The following ADCY7 variants were observed in gnomAD, a reference collection of about 807,000 sequenced individuals.
The protein encoded by ADCY7 is adenylate cyclase type 7.
In ADCY7, 72 loss-of-function variants were observed where a neutral mutation model predicts 120.6. The observed-to-expected ratio is 0.60, with a 90% confidence interval of 0.49 to 0.73. The LOEUF (loss-of-function observed/expected upper bound fraction) is 0.73, where lower values mean the gene tolerates loss of function less well. ADCY7 is among the 30% of genes least tolerant of loss of function. The probability of loss-of-function intolerance (pLI) is 0.00; values close to 1 mark genes in which losing one functional copy is unlikely to be tolerated. For synonymous variants in ADCY7, 661 were observed against 628.0 expected, an observed-to-expected ratio of 1.05 and a Z score of -0.78; for missense variants, 1,227 against 1,486.0, an observed-to-expected ratio of 0.83 and a Z score of 2.87.
At position 50,298,986 on chromosome 16, in the gene ADCY7, C is replaced by T. The variant is rs1225921431; in HGVS notation, c.1031C>T (p.Ala344Val). Reference sequence around the variant, plus strand: ...CTGCCCGTGTCGCTGCCTACCCACGCCCGGAACTGCGTGAAGATGGGGCTG... The same window carrying T: ...CTGCCCGTGTCGCTGCCTACCCACGTCCGGAACTGCGTGAAGATGGGGCTG... ...SGLPVSLPTH[A>V]RNCVKMGLDM... is the part of the protein sequence containing the mutation. The change falls in exon 8 of 26, where the codon GCC (alanine) becomes GTC (valine). Residue 344 changes from alanine to valine, a missense_variant. Ala to Val is a moderately conservative substitution (Grantham distance 64). Coordinates refer to ENST00000673801, the MANE Select transcript of ADCY7 (RefSeq NM_001114.5). 4 of 1,613,224 alleles carry T rather than the reference C, an allele frequency of 2.5e-6. No homozygotes were observed. Among genetic ancestry groups the T allele is most frequent in the African/African-American group, 2.7e-5 (2 of 74,954 alleles).
In ADCY7 at chr16:50,312,132, C is replaced by T. The variant is rs370441901; in HGVS notation, c.2545C>T (p.Leu849=). ...CATGGAGAACGTGAACCGCCTTCTTCTGGAGAACGTCCTGCCAGCCCACGT... is the reference window on the plus strand; with the variant it reads ...CATGGAGAACGTGAACCGCCTTCTTTTGGAGAACGTCCTGCCAGCCCACGT... ...ETMENVNRLL[L]ENVLPAHVAA... is the part of the protein sequence containing the mutation. Residue 849 remains leucine, a synonymous_variant, in exon 21 of 26, where the codon CTG becomes TTG. Transcript: ENST00000673801. 32 of 1,614,112 alleles carry T rather than the reference C, an allele frequency of 2.0e-5. No homozygotes were observed. Among genetic ancestry groups the T allele is most frequent in the Middle Eastern group, 3.3e-4 (2 of 6,084 alleles).
intron 1 of ADCY7, among the ~76,000 whole-genome samples, chr16:50,255,446 T>G (rs1208931154): frequency 1.5e-5 from 2 of 131,208 alleles, no homozygotes; most frequent in Non-Finnish European, 3.2e-5. Flanking sequence ...TGGAACAGGA[T>G]AGAGAGCTCA....
intron 1 of ADCY7, among the ~76,000 whole-genome samples, chr16:50,274,636 T>C (rs1468540422): frequency 6.6e-6 from 1 of 152,132 alleles, no homozygotes; most frequent in Non-Finnish European, 1.5e-5. Context: ...GCTGGTGTCA[T>C]GGAGGCCAAA....
upstream of ADCY7, among the ~76,000 whole-genome samples, chr16:50,266,103 T>C (rs1274702967): frequency 6.6e-6 from 1 of 152,060 alleles, no homozygotes; most frequent in Non-Finnish European, 1.5e-5. Context: ...TGACCTCTCC[T>C]GGGCCCCTCT....
chr16:50,287,941 A>C lies in ADCY7; in HGVS notation c.-239A>C, dbSNP rs954946771. Reference sequence around the variant, plus strand: ...GAGGAACTGCGTGTGGAGTCAGCCCAGTCTGGATGCACAGGAGGATGCTGG... The same window carrying C: ...GAGGAACTGCGTGTGGAGTCAGCCCCGTCTGGATGCACAGGAGGATGCTGG... On this transcript the variant is annotated 5_prime_UTR_variant, in exon 2 of 26. Transcript: ENST00000673801. 6.5e-6 allele frequency: 3 copies of C among 463,248 alleles called. No homozygotes were observed. In the South Asian group the frequency reaches 1.2e-4, roughly 18 times the overall value. 28.7% of individuals were successfully genotyped at this position (463,248 alleles called of 1,614,324 possible).
At chr16:50,279,478 G>C (rs1364613066) in intron 1 of ADCY7, 4 of 152,128 alleles carry the variant, frequency 2.6e-5, no homozygotes, top group African/African-American at 9.7e-5. Context: ...GCAAGAGTGA[G>C]GAAAAAGTAG....
At chr16:50,245,008 G>A (rs1036556508), upstream of ADCY7, among the ~76,000 whole-genome samples, 1 of 152,162 alleles carries the variant, frequency 6.6e-6, no homozygotes, top group Non-Finnish European at 1.5e-5. Flanking sequence ...TTCCAGCCTC[G>A]GCCATCTGAT....
chr16:50,294,245 G>A (rs2150982643), intron 6 of ADCY7, among the ~76,000 whole-genome samples: 1 of 152,336 alleles, frequency 6.6e-6, no homozygotes, highest in East Asian at 1.9e-4. Context: ...AAAGTGCTGG[G>A]TGTGGAGGTT....
intron 19 of ADCY7, 91 bp downstream of exon 19, chr16:50,310,971 G>A (rs1260808678): frequency 7.6e-7 from 1 of 1,322,486 alleles, no homozygotes; most frequent in Non-Finnish European, 1.0e-6. Context: ...TGTGTTCATG[G>A]GGAGTGGGCA....
At chr16:50,300,631 G>T (rs761426660) in intron 8 of ADCY7, 84 bp from the exon 9 acceptor site, 1 of 1,496,062 alleles carries the variant, frequency 6.7e-7, no homozygotes, top group African/African-American at 1.4e-5. Context: ...CCCACATGCT[G>T]CCCTGTACCC....
chr16:50,269,370 G>A (rs1203543635), intron 1 of ADCY7, among the ~76,000 whole-genome samples: 2 of 152,234 alleles, frequency 1.3e-5, no homozygotes, highest in African/African-American at 2.4e-5. Context: ...CAGGGGCTCT[G>A]GTTGGTGCTG....
intron 2 of ADCY7, 79 bp downstream of exon 2, chr16:50,288,429 T>A: frequency 1.5e-6 from 2 of 1,343,994 alleles, no homozygotes; most frequent in Non-Finnish European, 9.9e-7. Context: ...GCCTCTTCTG[T>A]AAAATGCTTA....
At chr16:50,313,060 C>CG in intron 22 of ADCY7, 24 bp downstream of exon 22, 1 of 1,612,782 alleles carries the variant, frequency 6.2e-7, no homozygotes, top group Non-Finnish European at 8.5e-7. Context: ...CCCAGCCTTG[C>CG]GCAGCAGCCC....
At position 50,282,030 on chromosome 16, in the gene ADCY7, G is replaced by A. The variant is rs142238073; in HGVS notation, c.-268-5882G>A. On this transcript the variant is annotated intron_variant, in intron 1 of 25. Transcript: ENST00000673801. ...TCCCAGGCAGGGTGTGGGCCCAGGG[G>A]CCTGAGCGGGGCCTCTTCCCTGGAG... Among the ~76,000 whole-genome samples, 93 of 152,288 alleles carry A rather than the reference G, an allele frequency of 6.1e-4. 1 individual carries two copies. Among genetic ancestry groups the A allele is most frequent in the African/African-American group, 2.0e-3 (84 of 41,560 alleles).
intron 1 of ADCY7, among the ~76,000 whole-genome samples, chr16:50,256,482 T>G (rs1290806756): frequency 1.3e-5 from 2 of 152,076 alleles, no homozygotes; most frequent in African/African-American, 2.4e-5. Context: ...GCAGGAGGAT[T>G]GCTTGAGCCT....
chr16:50,306,958 G>A, intron 14 of ADCY7, 92 bp from the exon 15 acceptor site: 2 of 950,318 alleles, frequency 2.1e-6, no homozygotes, highest in South Asian at 3.0e-5. Flanking sequence ...TGTCCCAGCA[G>A]GGAGGTGTTT....
chr16:50,254,280 A>G (rs2150784687), intron 1 of ADCY7, among the ~76,000 whole-genome samples: 1 of 152,294 alleles, frequency 6.6e-6, no homozygotes, highest in East Asian at 1.9e-4. Flanking sequence ...GCTCCAGCCC[A>G]TGGCCTCTGG....
intron 1 of ADCY7, among the ~76,000 whole-genome samples, chr16:50,269,651 G>A (rs562885187): frequency 5.4e-4 from 82 of 152,276 alleles, no homozygotes; most frequent in Non-Finnish European, 1.1e-3. Flanking sequence ...CTGACCCTCA[G>A]CACCGCTCCT....
chr16:50,289,878 G>A (rs966308562), intron 2 of ADCY7, among the ~76,000 whole-genome samples: 6 of 152,258 alleles, frequency 3.9e-5, no homozygotes, highest in African/African-American at 1.4e-4. Flanking sequence ...TGCCAGTGCA[G>A]CCTGGATCCA....
Sources: allele counts gnomAD v4.1 joint callset (sites outside exome capture counted in the v4.1 genomes callset), GRCh38; gene constraint gnomAD v4.1.1; transcripts MANE v1.5; gene names NCBI Gene and HGNC (gene_info 2026-07-23, HGNC 2026-07-21).